Variants in PTPRN2 observed in about 807,000 individuals in gnomAD.
PTPRN2 encodes the protein protein tyrosine phosphatase receptor type N2, also known as receptor-type tyrosine-protein phosphatase N2.
In PTPRN2, 74 loss-of-function variants were observed where a neutral mutation model predicts 118.8. The observed-to-expected ratio is 0.62, with a 90% CI of 0.52 to 0.76. The LOEUF is 0.76. Among genes scored for constraint, PTPRN2 ranks in the 30% least tolerant of loss-of-function variants. PTPRN2 has a pLI of 0.00. For synonymous variants in PTPRN2, 641 were observed against 608.0 expected, an observed-to-expected ratio of 1.05 and a Z score of -0.80; for missense variants, 1,481 against 1,394.4, an observed-to-expected ratio of 1.06 and a Z score of -0.99.
At chr7:158,252,393 A>G (rs879601504) in intron 3 of PTPRN2, among the ~76,000 whole-genome samples, 3 of 152,150 alleles carry the variant, frequency 2.0e-5, no homozygotes, top group Admixed American at 2.0e-4. Context: ...AAGGCGGCCA[A>G]CTGGGCAGCG....
At chr7:158,149,896 A>G (rs925009606) in intron 6 of PTPRN2, among the ~76,000 whole-genome samples, 2 of 152,144 alleles carry the variant, frequency 1.3e-5, no homozygotes, top group African/African-American at 2.4e-5. Context: ...GCTGAACAAA[A>G]AGTGGCAAGA....
intron 2 of PTPRN2, among the ~76,000 whole-genome samples, chr7:158,407,277 G>GGTCCTGC (rs1813614821): frequency 2.5e-5 from 1 of 39,852 alleles, no homozygotes; most frequent in African/African-American, 9.8e-5. Context: ...CTGGGTCCTG[G>GGTCCTGC]GTCCTGGGTC....
At chr7:157,920,378 G>A (rs1247499400) in intron 11 of PTPRN2, among the ~76,000 whole-genome samples, 1 of 152,164 alleles carries the variant, frequency 6.6e-6, no homozygotes, top group Non-Finnish European at 1.5e-5. Context: ...CCTCCCAGGA[G>A]CGCCAGCACC....
rs1354167350 is a variant in PTPRN2, at chr7:157,578,077, G to A, written c.2560C>T (p.Arg854Trp). ...TCCGGCCAGTAGTGGTAGCACTGCCGGACGCCGTTCTCCGCGAGGGGTGTC... is the reference window on the plus strand; with the variant it reads ...TCCGGCCAGTAGTGGTAGCACTGCCAGACGCCGTTCTCCGCGAGGGGTGTC... ...MLTPLAENGV[R>W]QCYHYWPDEG... The change falls in exon 18 of 23, where the codon CGG becomes TGG. Residue 854 changes from arginine (R) to tryptophan (W), a missense_variant. By Grantham distance (101) the Arg-to-Trp change is moderately radical. This residue lies in a region of PTPRN2 where 362 missense variants were observed against 384.1 expected (regional missense o/e 0.94). Coordinates refer to ENST00000389418, the MANE Select transcript of PTPRN2 (RefSeq NM_002847.5). The A allele has an allele frequency of 7.4e-6, 12 of 1,613,526 alleles. No individual in the cohort carries two copies. The highest frequency in any genetic ancestry group is 1.0e-5 in the Non-Finnish European group (12 of 1,179,740).
intron 2 of PTPRN2, among the ~76,000 whole-genome samples, chr7:158,407,163 T>C (rs541339540): frequency 0.27 from 24,309 of 91,220 alleles, 3,350 homozygotes; most frequent in East Asian, 0.54. Flanking sequence ...TCCTGGGTCC[T>C]GGGTCCTGCG....
At chr7:158,116,030 G>C (rs1392000339) in intron 9 of PTPRN2, among the ~76,000 whole-genome samples, 1 of 152,204 alleles carries the variant, frequency 6.6e-6, no homozygotes, top group African/African-American at 2.4e-5. Context: ...CCTGCATGGA[G>C]CGGTGAAGTA....
At chr7:158,365,250 G>A (rs188832287) in intron 2 of PTPRN2, among the ~76,000 whole-genome samples, 29 of 152,300 alleles carry the variant, frequency 1.9e-4, no homozygotes, top group African/African-American at 6.7e-4. Context: ...CGCGTTGGAC[G>A]GTCCGTGGGA....
At chr7:158,251,952 G>C (rs1796710179) in intron 3 of PTPRN2, among the ~76,000 whole-genome samples, 1 of 152,144 alleles carries the variant, frequency 6.6e-6, no homozygotes, top group African/African-American at 2.4e-5. Flanking sequence ...CTAAGGGGAG[G>C]TCAGGGAAAC....
At chr7:158,532,084 G>A (rs1200816876) in intron 1 of PTPRN2, among the ~76,000 whole-genome samples, 1 of 152,212 alleles carries the variant, frequency 6.6e-6, no homozygotes, top group Non-Finnish European at 1.5e-5. Flanking sequence ...AAACAACAAA[G>A]TCAGAAAGGG....
At chr7:158,128,146 G>A (rs1050464969) in intron 9 of PTPRN2, among the ~76,000 whole-genome samples, 11 of 152,206 alleles carry the variant, frequency 7.2e-5, no homozygotes, top group African/African-American at 2.7e-4. Flanking sequence ...AATGCCATCT[G>A]TGTCTTGGAA....
At position 157,868,690 on chromosome 7, in the gene PTPRN2, C is replaced by T. The variant is rs1810870326; in HGVS notation, c.1788+29983G>A. ...TCCCTTGCTCACTCCCTCCCTCACC[C>T]ACCTGCCCACTCGCCCATCCACTCA... On this transcript the variant is annotated intron_variant, in intron 12 of 22. Coordinates refer to ENST00000389418, the MANE Select transcript of PTPRN2 (RefSeq NM_002847.5). The surrounding 1 kb of genome is among the most constrained non-coding windows in gnomAD (Gnocchi z 5.2). The T allele has an allele frequency of 6.6e-6, 1 of 152,280 alleles. No individual in the cohort carries two copies. Among genetic ancestry groups the T allele is most frequent in the Admixed American group, 6.5e-5 (1 of 15,280 alleles). The allele number at this position is 152,280 out of a possible 1,614,324, so 9.4% of individuals were successfully genotyped here.
chr7:158,530,783 C>T (rs1216528236), intron 1 of PTPRN2, among the ~76,000 whole-genome samples: 2 of 152,196 alleles, frequency 1.3e-5, no homozygotes, highest in Non-Finnish European at 2.9e-5. Context: ...AGATCTGTTT[C>T]ACAGCAGAAC....
chr7:157,963,677 G>A (rs1353540076), intron 11 of PTPRN2, among the ~76,000 whole-genome samples: 1 of 152,180 alleles, frequency 6.6e-6, no homozygotes, highest in Non-Finnish European at 1.5e-5. Flanking sequence ...GGAGATCTGT[G>A]GTCATGCCCT....
chr7:157,909,337 C>T (rs1797950487), intron 11 of PTPRN2, among the ~76,000 whole-genome samples: 1 of 152,254 alleles, frequency 6.6e-6, no homozygotes, highest in Non-Finnish European at 1.5e-5. Flanking sequence ...GCCACTTGCC[C>T]TCTGGCCTTG....
Position 157,603,893 on chromosome 7 carries a change from G to C in PTPRN2, c.2418+109C>G, listed in dbSNP as rs953385647. The C allele has an allele frequency of 5.7e-6, 6 of 1,044,428 alleles. No individual in the cohort carries two copies. The highest frequency in any genetic ancestry group is 8.5e-6 in the Non-Finnish European group (6 of 707,768). 64.7% of individuals were successfully genotyped at this position (1,044,428 alleles called of 1,614,324 possible). ...AGTCGGCCCTGTCCACCGCAGAGAC[G>C]CTGAGCTGGGTGGGGACGTGATTTC... On this transcript the variant is annotated intron_variant, in intron 16 of 22. Coordinates refer to ENST00000389418, the MANE Select transcript of PTPRN2 (RefSeq NM_002847.5). This position sits in a 1 kb window ranked among gnomAD's most constrained non-coding sequence, Gnocchi z 5.4.
chr7:158,205,948 C>G lies in PTPRN2; in HGVS notation c.278-675G>C, dbSNP rs111847816. Among the ~76,000 whole-genome samples, 194 of 152,294 alleles carry G rather than the reference C, an allele frequency of 1.3e-3. 1 individual carries two copies. The highest frequency in any genetic ancestry group is 4.4e-3 in the African/African-American group (182 of 41,574). Reference sequence around the variant, plus strand: ...AGAATCTGAGTTCTGACAAGCCTCACCACCATGGGCTAAAGTGCTCTGGGG... The same window carrying G: ...AGAATCTGAGTTCTGACAAGCCTCAGCACCATGGGCTAAAGTGCTCTGGGG... On this transcript the variant is annotated intron_variant, in intron 3 of 22. Coordinates refer to ENST00000389418, the MANE Select transcript of PTPRN2 (RefSeq NM_002847.5).
intron 6 of PTPRN2, among the ~76,000 whole-genome samples, chr7:158,164,954 C>T (rs893220743): frequency 2.8e-5 from 4 of 143,706 alleles, no homozygotes; most frequent in South Asian, 2.2e-4. Flanking sequence ...GGCAGCTACA[C>T]GGACCCAAGG....
intron 11 of PTPRN2, among the ~76,000 whole-genome samples, chr7:157,928,130 T>C (rs1315698639): frequency 6.6e-6 from 1 of 152,126 alleles, no homozygotes; most frequent in East Asian, 1.9e-4. Flanking sequence ...CGTTTAACTC[T>C]CACCACAATC....
intron 14 of PTPRN2, among the ~76,000 whole-genome samples, chr7:157,644,274 T>A (rs1352278375): frequency 1.3e-5 from 2 of 152,190 alleles, no homozygotes; most frequent in African/African-American, 4.8e-5. Flanking sequence ...AGGAAAAAGA[T>A]GTCATCTGCC....
Sources: allele counts gnomAD v4.1 joint callset (sites outside exome capture counted in the v4.1 genomes callset), GRCh38; gene constraint gnomAD v4.1.1; regional missense constraint gnomAD v4.1.1; non-coding constraint Gnocchi (gnomAD v3.1); transcripts MANE v1.5; gene names NCBI Gene and HGNC (gene_info 2026-07-23, HGNC 2026-07-21).